MYLK: variants seen among roughly 807,000 people sequenced by gnomAD.
MYLK encodes myosin light chain kinase.
In MYLK, 106 loss-of-function variants were observed where a neutral mutation model predicts 203.4. That is an observed-to-expected ratio of 0.52 (90% CI 0.45 to 0.61). MYLK has a LOEUF of 0.61. Ranked by LOEUF, MYLK falls within the 20% of genes least tolerant of loss-of-function variation. The probability of loss-of-function intolerance (pLI) is 0.00; values close to 1 mark genes in which losing one functional copy is unlikely to be tolerated. For synonymous variants in MYLK, 867 were observed against 959.5 expected (o/e 0.90, Z 1.78); for missense variants, 2,072 against 2,442.3 (o/e 0.85, Z 3.20).
intron 4 of MYLK, among the ~76,000 whole-genome samples, chr3:123,781,607 C>T (rs766242515): frequency 6.6e-6 from 1 of 152,180 alleles, no homozygotes. Context: ...GTGATCAGAA[C>T]AAACCACAAA....
intron 19 of MYLK, 44 bp downstream of exon 19, chr3:123,692,691 G>A (rs1446399103): frequency 6.9e-7 from 1 of 1,443,696 alleles, no homozygotes; most frequent in Admixed American, 1.7e-5. Flanking sequence ...CTGAGAAATG[G>A]GACCCCTGTG....
intron 13 of MYLK, among the ~76,000 whole-genome samples, chr3:123,718,034 G>A (rs1205837380): frequency 6.6e-6 from 1 of 151,984 alleles, no homozygotes; most frequent in Admixed American, 6.6e-5. Flanking sequence ...GCTAATTTTT[G>A]TGTTTTTTGT....
chr3:123,667,264 G>A, intron 20 of MYLK, 77 bp from the exon 21 acceptor site: 9 of 1,425,690 alleles, frequency 6.3e-6, no homozygotes, highest in African/African-American at 1.4e-5. Context: ...GGAAGATGCA[G>A]TCTTGTCCAC....
chr3:123,618,514 A>G, intron 33 of MYLK, 125 bp downstream of exon 33: 5 of 1,363,548 alleles, frequency 3.7e-6, no homozygotes, highest in South Asian at 3.5e-5. Flanking sequence ...GTTTCCCCCA[A>G]AGCTTGGCAG....
chr3:123,792,524 A>G (rs188934258), intron 4 of MYLK, among the ~76,000 whole-genome samples: 7 of 152,304 alleles, frequency 4.6e-5, no homozygotes, highest in South Asian at 2.1e-4. Flanking sequence ...CATTTCATAT[A>G]AATAGAATCC....
chr3:123,799,742 A>T (rs899451653), intron 3 of MYLK: 2 of 152,448 alleles, frequency 1.3e-5, no homozygotes, highest in African/African-American at 4.8e-5. Flanking sequence ...CTAATTCCGG[A>T]GTGCGCTGCT....
intron 12 of MYLK, among the ~76,000 whole-genome samples, chr3:123,724,341 G>A (rs1244976407): frequency 6.6e-6 from 1 of 151,974 alleles, no homozygotes; most frequent in Non-Finnish European, 1.5e-5. Context: ...AGGCTGTATG[G>A]CCTGAAAAGC....
intron 30 of MYLK, 133 bp from the exon 31 acceptor site, chr3:123,627,074 A>G: frequency 1.0e-6 from 1 of 978,624 alleles, no homozygotes; most frequent in Middle Eastern, 3.1e-4. Flanking sequence ...CGGACCATCC[A>G]CCGTGATCAG....
At chr3:123,638,890 T>C in intron 28 of MYLK, 5 of 985,478 alleles carry the variant, frequency 5.1e-6, no homozygotes, top group Non-Finnish European at 6.0e-6. Context: ...GGCAGGTACC[T>C]GTGGGCTATG....
At chr3:123,631,072 G>C (rs2058399848) in intron 29 of MYLK, among the ~76,000 whole-genome samples, 1 of 152,168 alleles carries the variant, frequency 6.6e-6, no homozygotes, top group African/African-American at 2.4e-5. Context: ...TTGTGTAGCT[G>C]TTCCTGCCCT....
intron 4 of MYLK, among the ~76,000 whole-genome samples, chr3:123,768,796 T>C (rs1248483591): frequency 6.6e-6 from 1 of 152,224 alleles, no homozygotes; most frequent in Non-Finnish European, 1.5e-5. Context: ...TCGAAACATC[T>C]TCACCATACA....
intron 29 of MYLK, among the ~76,000 whole-genome samples, chr3:123,633,085 C>T (rs546152534): frequency 2.6e-5 from 4 of 151,944 alleles, no homozygotes; most frequent in Non-Finnish European, 5.9e-5. Context: ...AGCCACTGTG[C>T]CCAGCCTTGT....
At chr3:123,825,882 G>T (rs1183553024) in intron 3 of MYLK, among the ~76,000 whole-genome samples, 1 of 152,234 alleles carries the variant, frequency 6.6e-6, no homozygotes, top group Non-Finnish European at 1.5e-5. Flanking sequence ...CCTTGAGCCA[G>T]CCAAATGGTT....
chr3:123,849,784 T>G (rs1225462627), intron 2 of MYLK, among the ~76,000 whole-genome samples: 3 of 152,192 alleles, frequency 2.0e-5, no homozygotes, highest in Non-Finnish European at 2.9e-5. Context: ...AGGGTACATG[T>G]GCACAACGTG....
intron 29 of MYLK, among the ~76,000 whole-genome samples, chr3:123,635,373 G>T (rs2058602349): frequency 6.6e-6 from 1 of 152,228 alleles, no homozygotes; most frequent in East Asian, 1.9e-4. Context: ...TGAGAGCCCT[G>T]GCTTGCCGGG....
intron 4 of MYLK, among the ~76,000 whole-genome samples, chr3:123,792,596 C>T (rs185015108): frequency 6.6e-6 from 1 of 152,212 alleles, no homozygotes; most frequent in African/African-American, 2.4e-5. Context: ...AAGGTTCATC[C>T]GTGTTATAGC....
intron 4 of MYLK, among the ~76,000 whole-genome samples, chr3:123,786,036 C>G (rs993247633): frequency 1.3e-5 from 2 of 152,060 alleles, no homozygotes; most frequent in African/African-American, 4.8e-5. Flanking sequence ...GGCACAGTGG[C>G]TCACGCCTGT....
chr3:123,693,389 G>A, intron 18 of MYLK: 1 of 167,316 alleles, frequency 6.0e-6, no homozygotes, highest in South Asian at 1.5e-4. Flanking sequence ...GTCCAGGAGG[G>A]GCACCGGCCT....
chr3:123,657,350 G>A lies in MYLK; in HGVS notation c.4064C>T (p.Ser1355Phe), dbSNP rs1380606226. The change falls in exon 24 of 34, where the codon TCC becomes TTC. Residue 1355 changes from serine (S) to phenylalanine (F), a missense_variant. By Grantham distance (155) the Ser-to-Phe change is radical. This residue lies in a region of MYLK where 524 missense variants were observed against 782.4 expected (regional missense o/e 0.67). Coordinates refer to ENST00000360304, the MANE Select transcript of MYLK (RefSeq NM_053025.4). ...TACAGCACTGCCCCCATCATATGAG[G>A]AGCCATACCAGGACAGGGTCAGTGA... is the stretch of plus-strand genomic sequence containing the variant. The part of the protein sequence containing the change: ...SSSLTLSWYG[S>F]SYDGGSAVQS... The A allele has an allele frequency of 1.9e-6, 3 of 1,614,060 alleles. No homozygotes were observed. Among genetic ancestry groups the A allele is most frequent in the Non-Finnish European group, 2.5e-6 (3 of 1,180,048 alleles).
Sources: allele counts gnomAD v4.1 joint callset (sites outside exome capture counted in the v4.1 genomes callset), GRCh38; gene constraint gnomAD v4.1.1; regional missense constraint gnomAD v4.1.1; transcripts MANE v1.5; gene names NCBI Gene and HGNC (gene_info 2026-07-23, HGNC 2026-07-21).